The following FMO3 variants were observed in gnomAD, a reference collection of about 807,000 sequenced individuals.
FMO3 encodes the protein flavin containing dimethylaniline monoxygenase 3.
In FMO3, 40 loss-of-function variants were observed where a neutral mutation model predicts 39.4. The ratio of observed to expected loss-of-function variants is 1.02; its 90% CI spans 0.79 to 1.32. The LOEUF (loss-of-function observed/expected upper bound fraction) is 1.32. Among genes scored for constraint, FMO3 ranks in the 40% most tolerant of loss-of-function variants. The probability of loss-of-function intolerance (pLI) is 0.00; values close to 1 mark genes in which losing one functional copy is unlikely to be tolerated. For synonymous variants in FMO3, 219 were observed against 228.8 expected (o/e 0.96, Z 0.39); for missense variants, 680 against 651.8 (o/e 1.04, Z -0.47).
intron 2 of FMO3, among the ~76,000 whole-genome samples, chr1:171,099,136 C>T (rs918192903): frequency 1.2e-4 from 19 of 152,146 alleles, no homozygotes; most frequent in South Asian, 2.1e-4. Context: ...TCTTTATTTC[C>T]GCCTTCATTT....
intron 2 of FMO3, among the ~76,000 whole-genome samples, chr1:171,093,709 G>A (rs900901266): frequency 2.0e-5 from 3 of 151,630 alleles, no homozygotes; most frequent in African/African-American, 4.8e-5. Flanking sequence ...ATCTACTAGG[G>A]GCATTGTTGG....
chr1:171,110,717 C>T (rs1571222076), intron 5 of FMO3, 81 bp from the exon 6 acceptor site: 3 of 1,291,336 alleles, frequency 2.3e-6, no homozygotes, highest in South Asian at 2.4e-5. Flanking sequence ...AGATCCATTC[C>T]TCAAGAGGGA....
intron 6 of FMO3, among the ~76,000 whole-genome samples, chr1:171,111,561 G>A (rs185900970): frequency 2.0e-4 from 30 of 151,964 alleles, no homozygotes; most frequent in Middle Eastern, 3.4e-3. Flanking sequence ...TTCCCTCTTC[G>A]TTTCATCACC....
chr1:171,110,742 C>T, intron 5 of FMO3, 56 bp from the exon 6 acceptor site: 1 of 1,527,682 alleles, frequency 6.5e-7, no homozygotes, highest in Non-Finnish European at 9.1e-7. Flanking sequence ...GGGTGCTCAC[C>T]AGAATATCCA....
chr1:171,105,365 C>G (rs779514051), intron 3 of FMO3, among the ~76,000 whole-genome samples: 6 of 152,042 alleles, frequency 3.9e-5, no homozygotes, highest in Non-Finnish European at 7.4e-5. Flanking sequence ...TCATGAAAAT[C>G]AATGTAAAAA....
At position 171,092,790 on chromosome 1, in the gene FMO3, A is replaced by G. The variant is rs1654775047; in HGVS notation, c.132A>G (p.Ser44=). ...ACATTGGGGGCCTGTGGAAATTTTC[A>G]GTGAGTAGCATGTTGTTGTAATAGA... ...SNDIGGLWKF[S]DHAEEGRASI... is the part of the protein sequence containing the mutation. Residue 44 remains serine, a splice_region_variant and synonymous_variant, in exon 2 of 9, where the codon TCA becomes TCG. Transcript: ENST00000367755. 3 of 1,613,722 alleles carry G rather than the reference A, an allele frequency of 1.9e-6. No homozygotes were observed. Among genetic ancestry groups the G allele is most frequent in the East Asian group, 4.5e-5 (2 of 44,884 alleles).
intron 6 of FMO3, among the ~76,000 whole-genome samples, chr1:171,113,235 A>G (rs1171841358): frequency 2.6e-5 from 4 of 152,200 alleles, no homozygotes; most frequent in Non-Finnish European, 5.9e-5. Flanking sequence ...CACTACAGAT[A>G]TTATTGAATA....
chr1:171,113,657 A>G (rs571780407), intron 6 of FMO3, among the ~76,000 whole-genome samples: 1 of 152,362 alleles, frequency 6.6e-6, no homozygotes, highest in Non-Finnish European at 1.5e-5. Flanking sequence ...TTCCCACTGA[A>G]TAAGTAGCAA....
At chr1:171,115,548 A>G (rs541572360) in intron 7 of FMO3, among the ~76,000 whole-genome samples, 2 of 152,172 alleles carry the variant, frequency 1.3e-5, no homozygotes, top group African/African-American at 2.4e-5. Context: ...CTGGGCTAAG[A>G]GTTTTATTCT....
intron 2 of FMO3, chr1:171,101,028 A>G (rs867822904): frequency 9.7e-5 from 43 of 444,654 alleles, no homozygotes; most frequent in African/African-American, 6.5e-4. Context: ...GATGACCTCA[A>G]CAGAAAGAGA....
At chr1:171,111,365 T>A (rs971518564) in intron 6 of FMO3, among the ~76,000 whole-genome samples, 2 of 152,110 alleles carry the variant, frequency 1.3e-5, no homozygotes, top group East Asian at 3.9e-4. Context: ...ATTTTAGAGA[T>A]GAGATAACTG....
intron 2 of FMO3, among the ~76,000 whole-genome samples, chr1:171,101,405 A>C (rs986914100): frequency 5.9e-5 from 9 of 152,220 alleles, no homozygotes; most frequent in African/African-American, 1.9e-4. Context: ...CAAATGATGG[A>C]GCAAACAGCA....
intron 2 of FMO3, among the ~76,000 whole-genome samples, chr1:171,093,827 CTTTTTT>C (rs1228257104): frequency 1.3e-5 from 1 of 75,290 alleles, no homozygotes; most frequent in African/African-American, 5.7e-5. Flanking sequence ...TCACTAATAT[CTTTTTT>C]TTTTTTTTTT....
chr1:171,115,480 A>G (rs1483454305), intron 7 of FMO3, among the ~76,000 whole-genome samples: 1 of 152,176 alleles, frequency 6.6e-6, no homozygotes, highest in Non-Finnish European at 1.5e-5. Context: ...GACCCTCCCT[A>G]TAAGAAGTGT....
At chr1:171,092,554 T>C in intron 1 of FMO3, 99 bp from the exon 2 acceptor site, 1 of 1,453,168 alleles carries the variant, frequency 6.9e-7, no homozygotes, top group Non-Finnish European at 9.6e-7. Context: ...AAGTAAAGTT[T>C]TTATTAAGCC....
At chr1:171,093,783 T>A (rs1654825919) in intron 2 of FMO3, among the ~76,000 whole-genome samples, 1 of 151,184 alleles carries the variant, frequency 6.6e-6, no homozygotes, top group African/African-American at 2.4e-5. Flanking sequence ...ATAGTTTATA[T>A]TCCAACCAAC....
intron 2 of FMO3, among the ~76,000 whole-genome samples, chr1:171,095,918 ATTTAT>A (rs1654955269): frequency 2.6e-3 from 1 of 392 alleles, no homozygotes; most frequent in African/African-American, 0.011. Context: ...ATAAATATAT[ATTTAT>A]ATAATTATAT....
At chr1:171,101,656 T>C (rs1201379906) in intron 2 of FMO3, 1 of 474,628 alleles carries the variant, frequency 2.1e-6, no homozygotes, top group Non-Finnish European at 4.4e-6. Flanking sequence ...TTCTATGCCC[T>C]TCTAGTTCTG....
chr1:171,096,071 T>G (rs1374427029), intron 2 of FMO3, among the ~76,000 whole-genome samples: 1 of 53,670 alleles, frequency 1.9e-5, no homozygotes, highest in Non-Finnish European at 3.0e-5. Context: ...ATATTATATA[T>G]TAATATATAA....
Sources: allele counts gnomAD v4.1 joint callset (sites outside exome capture counted in the v4.1 genomes callset), GRCh38; gene constraint gnomAD v4.1.1; transcripts MANE v1.5; gene names NCBI Gene and HGNC (gene_info 2026-07-23, HGNC 2026-07-21).